Variants in IRX2 observed in about 807,000 individuals in gnomAD.
IRX2 encodes the protein iroquois-class homeodomain protein IRX-2.
In IRX2, 26 loss-of-function variants were observed where a neutral mutation model predicts 42.9. The observed-to-expected ratio is 0.61, with a 90% confidence interval of 0.44 to 0.84. The LOEUF is 0.84. Ranked by LOEUF, IRX2 falls within the 40% of genes least tolerant of loss-of-function variation. The pLI is 0.00. For synonymous variants in IRX2, 424 were observed against 353.9 expected (o/e 1.20, Z -2.22); for missense variants, 782 against 713.9 (o/e 1.10, Z -1.09).
rs574306827 is a variant in IRX2, at chr5:2,747,123, G to A, written c.*441C>T. On this transcript the variant is annotated 3_prime_UTR_variant, in exon 4 of 4. Transcript: ENST00000302057. Reference sequence around the variant, plus strand: ...GTTTTGGTAGCCCAAGCTCATCAAAGCATGTGTCTATTATGTGTCTAGCAT... The same window carrying A: ...GTTTTGGTAGCCCAAGCTCATCAAAACATGTGTCTATTATGTGTCTAGCAT... The A allele has an allele frequency of 4.6e-5, 7 of 152,232 alleles. No individual in the cohort carries two copies. The South Asian group carries it at 1.0e-3, about 23-fold the overall frequency. 9.4% of individuals were successfully genotyped at this position (152,232 alleles called of 1,614,324 possible).
In IRX2 at chr5:2,751,311, C is replaced by T; in HGVS notation, c.103G>A (p.Glu35Lys). Residue 35 changes from glutamate to lysine, a missense_variant, in exon 1 of 4, where the codon GAG becomes AAG. Physicochemically the swap from Glu to Lys is moderately conservative, Grantham distance 56. This residue lies in a region of IRX2 where 256 missense variants were observed against 250.0 expected (regional missense o/e 1.02). Transcript: ENST00000302057. The surrounding 1 kb of genome is among the most constrained non-coding windows in gnomAD (Gnocchi z 4.0). ...GAGCCCGACGCCGAGCGCGCCAGCT[C>T]CTCGCTGCGCGGAGCCGCCAAAGCC... is the stretch of plus-strand genomic sequence containing the variant. ...ASALAAPRSE[E>K]LARSASGSAF... 7.0e-7 allele frequency: 1 copy of T among 1,437,074 alleles called. No individual in the cohort carries two copies. Among genetic ancestry groups the T allele is most frequent in the Non-Finnish European group, 9.1e-7 (1 of 1,095,596 alleles). The allele number at this position is 1,437,074 out of a possible 1,614,324, so 89.0% of individuals were successfully genotyped here.
the IRX2 span, among the ~76,000 whole-genome samples, chr5:2,735,914 C>T: frequency 6.6e-6 from 1 of 152,054 alleles, no homozygotes; most frequent in Non-Finnish European, 1.5e-5. Context: ...TGTGCTGCAC[C>T]GAGGTTAAAA....
the IRX2 span, among the ~76,000 whole-genome samples, chr5:2,737,488 C>T: frequency 7.9e-5 from 12 of 152,190 alleles, no homozygotes; most frequent in Non-Finnish European, 1.2e-4. Context: ...ACGTGGGGCC[C>T]GGTGGCACAT....
At chr5:2,739,679 C>T in the IRX2 span, among the ~76,000 whole-genome samples, 1 of 152,204 alleles carries the variant, frequency 6.6e-6, no homozygotes, top group Non-Finnish European at 1.5e-5. Context: ...CGGGCGCTTT[C>T]GGTTTCCCGG....
downstream of IRX2, among the ~76,000 whole-genome samples, chr5:2,744,621 G>A (rs1026891731): frequency 6.6e-6 from 1 of 152,138 alleles, no homozygotes; most frequent in African/African-American, 2.4e-5. Flanking sequence ...TTTGTTTCCA[G>A]ATACACTGCC....
rs937495446 is a variant in IRX2 at position 2,749,933 on chromosome 5, G to A, written c.250-146C>T. On this transcript the variant is annotated intron_variant, in intron 1 of 3. Coordinates refer to ENST00000302057, the MANE Select transcript of IRX2 (RefSeq NM_033267.5). ...TGCGCTTCCCGCCGCAAAAGAGCAG[G>A]AAAAACGCAGTGTGATTCGGGACCA... 3.8e-6 allele frequency: 3 copies of A among 791,680 alleles called. No individual in the cohort carries two copies. The Admixed American group carries it at 8.8e-5, about 23-fold the overall frequency. The allele number at this position is 791,680 out of a possible 1,614,324, so 49.0% of individuals were successfully genotyped here.
the IRX2 span, chr5:2,737,169 G>A: frequency 3.9e-5 from 6 of 152,354 alleles, no homozygotes; most frequent in East Asian, 1.9e-4. Context: ...GTTCATTCAC[G>A]AGAGGCCTCA....
rs774128844 is a variant in IRX2 at position 2,749,007 on chromosome 5, G to A, written c.701C>T (p.Ala234Val). The A allele has an allele frequency of 1.3e-6, 2 of 1,597,332 alleles. No homozygotes were observed. The highest frequency in any genetic ancestry group is 1.7e-5 in the Admixed American group (1 of 59,950). The change falls in exon 3 of 4, where the codon GCC (alanine) becomes GTC (valine). Residue 234 changes from alanine (A) to valine (V), a missense_variant. This residue lies in a region of IRX2 where 520 missense variants were observed against 437.8 expected (regional missense o/e 1.19). Transcript: ENST00000302057. The stretch of plus-strand genomic sequence containing the variant: ...CGGAAGCTTCTCCCCGTCCGACTCG[G>A]CCGAGCACGAGTGATCCGTGAGCGA... ...VDSLTDHSCS[A>V]ESDGEKLPCR...
downstream of IRX2, among the ~76,000 whole-genome samples, chr5:2,745,386 A>C (rs777557463): frequency 6.6e-6 from 1 of 152,080 alleles, no homozygotes; most frequent in African/African-American, 2.4e-5. Flanking sequence ...CTCTGAAATT[A>C]TATTATATGG....
the IRX2 span, chr5:2,736,782 T>C: frequency 6.6e-6 from 1 of 152,248 alleles, no homozygotes; most frequent in Admixed American, 6.5e-5. Flanking sequence ...CCCCTCAGAA[T>C]AGAATGCCAG....
chr5:2,749,428 A>G lies in IRX2; in HGVS notation c.609T>C (p.Ser203=). The G allele has an allele frequency of 1.9e-6, 3 of 1,611,532 alleles. No homozygotes were observed. The highest frequency in any genetic ancestry group is 2.5e-6 in the Non-Finnish European group (3 of 1,179,396). Reference sequence around the variant, plus strand: ...CCGTGCCCTCCTGCGCCTTGTCGGGACTCTCGTCCTTGCTTCTGGTAGCGT... The same window carrying G: ...CCGTGCCCTCCTGCGCCTTGTCGGGGCTCTCGTCCTTGCTTCTGGTAGCGT... ...EGDATRSKDE[S]PDKAQEGTET... The change falls in exon 2 of 4, where the codon AGT becomes AGC. Residue 203 remains serine, a synonymous_variant. Coordinates refer to ENST00000302057, the MANE Select transcript of IRX2 (RefSeq NM_033267.5).
rs986136145 is a variant in IRX2, at chr5:2,751,295, G to A, written c.119C>T (p.Ala40Val). 7.7e-6 allele frequency: 11 copies of A among 1,432,998 alleles called. No homozygotes were observed. The African/African-American group carries it at 1.0e-4, about 14-fold the overall frequency. The allele number at this position is 1,432,998 out of a possible 1,614,324, so 88.8% of individuals were successfully genotyped here. A position where few individuals can be genotyped will look rare whatever the true frequency, so the allele number is the denominator to read the frequency against. Residue 40 changes from alanine to valine, a missense_variant, in exon 1 of 4, where the codon GCG becomes GTG. Physicochemically the swap from Ala to Val is moderately conservative, Grantham distance 64 (BLOSUM62 0). Coordinates refer to ENST00000302057, the MANE Select transcript of IRX2 (RefSeq NM_033267.5). The surrounding 1 kb of genome is among the most constrained non-coding windows in gnomAD (Gnocchi z 4.0). ...GTAGGGGCTGAACGCCGAGCCCGAC[G>A]CCGAGCGCGCCAGCTCCTCGCTGCG... ...APRSEELARS[A>V]SGSAFSPYPG...
chr5:2,748,325 G>C lies in IRX2; in HGVS notation c.1363+20C>G, dbSNP rs112775132. ...GGCTCTCCCTCCCCTCCCGGGCGCC[G>C]CCGGCCGCGGGCCGCCTACCTTTCT... On this transcript the variant is annotated intron_variant, in intron 3 of 3. Transcript: ENST00000302057. 0.12 allele frequency: 166,709 copies of C among 1,381,296 alleles called. 10,480 individuals carry two copies. The highest frequency in any genetic ancestry group is 0.18 in the African/African-American group (11,725 of 65,266). The allele number at this position is 1,381,296 out of a possible 1,614,324, so 85.6% of individuals were successfully genotyped here.
chr5:2,735,926 GA>G, the IRX2 span, among the ~76,000 whole-genome samples: 1 of 152,156 alleles, frequency 6.6e-6, no homozygotes, highest in Non-Finnish European at 1.5e-5. Flanking sequence ...AGGTTAAAAT[GA>G]AGTAGAAATT....
At position 2,748,685 on chromosome 5, in the gene IRX2, C is replaced by T. The variant is rs1737787646; in HGVS notation, c.1023G>A (p.Lys341=). ...CGCAGCCCGGGCCCAGGCTCGGCTG[C>T]TTGAGGTCCGACGTGGCGATCTCGG... ...SLAEIATSDL[K]QPSLGPGCGP... The change falls in exon 3 of 4, where the codon AAG becomes AAA. Residue 341 remains lysine, a synonymous_variant. Coordinates refer to ENST00000302057, the MANE Select transcript of IRX2 (RefSeq NM_033267.5). 1.4e-6 allele frequency: 2 copies of T among 1,396,998 alleles called. No individual in the cohort carries two copies. Among genetic ancestry groups the T allele is most frequent in the Non-Finnish European group, 1.9e-6 (2 of 1,076,132 alleles). 86.5% of individuals were successfully genotyped at this position (1,396,998 alleles called of 1,614,324 possible).
In IRX2 at chr5:2,751,483, G is replaced by A; in HGVS notation, c.-70C>T. On this transcript the variant is annotated 5_prime_UTR_variant, in exon 1 of 4. Coordinates refer to ENST00000302057, the MANE Select transcript of IRX2 (RefSeq NM_033267.5). This position sits in a 1 kb window ranked among gnomAD's most constrained non-coding sequence, Gnocchi z 4.0. ...AGGGCGCGCGGCGCCCTCCATCCAC[G>A]CCCGGCCGGGGCGCGGCGCGGCGGC... 8 of 978,942 alleles carry A rather than the reference G, an allele frequency of 8.2e-6. No homozygotes were observed. Among genetic ancestry groups the A allele is most frequent in the African/African-American group, 1.8e-5 (1 of 56,224 alleles). 60.6% of individuals were successfully genotyped at this position (978,942 alleles called of 1,614,324 possible). A position where few individuals can be genotyped will look rare whatever the true frequency, so the allele number is the denominator to read the frequency against.
rs1352397026 is a variant in IRX2 at position 2,748,841 on chromosome 5, G to A, written c.867C>T (p.Thr289=). ...PPKPVTSSPL[T]GLEAPLLSPP... is the part of the protein sequence containing the mutation. ...GGCTCAGCAGCGGCGCCTCCAAGCC[G>A]GTAAGCGGCGACGAGGTCACGGGCT... The change falls in exon 3 of 4, where the codon ACC becomes ACT. Residue 289 remains threonine, a synonymous_variant. Coordinates refer to ENST00000302057, the MANE Select transcript of IRX2 (RefSeq NM_033267.5). 3.2e-6 allele frequency: 5 copies of A among 1,571,280 alleles called. No individual in the cohort carries two copies. The highest frequency in any genetic ancestry group is 1.1e-5 in the South Asian group (1 of 87,400).
chr5:2,739,542 G>C, the IRX2 span, among the ~76,000 whole-genome samples: 2 of 152,238 alleles, frequency 1.3e-5, no homozygotes, highest in Non-Finnish European at 2.9e-5. Flanking sequence ...AGAGACCGGG[G>C]GGACCGGGGA....
At position 2,748,901 on chromosome 5, in the gene IRX2, G is replaced by A. The variant is rs754937716; in HGVS notation, c.807C>T (p.Asp269=). 6.3e-7 allele frequency: 1 copy of A among 1,595,262 alleles called. No individual in the cohort carries two copies. The highest frequency in any genetic ancestry group is 8.5e-7 in the Non-Finnish European group (1 of 1,178,848). ...CCAGGCCCCGCTCGCCCTCCTCGTC[G>A]TCGTCCTCGTCGTCCTCCAGGTCGT... ...KYDDLEDDED[D]DEEGERGLAP... is the part of the protein sequence containing the mutation. Residue 269 remains aspartate (D), a synonymous_variant, in exon 3 of 4, where the codon GAC becomes GAT. Coordinates refer to ENST00000302057, the MANE Select transcript of IRX2 (RefSeq NM_033267.5).
Sources: allele counts gnomAD v4.1 joint callset (sites outside exome capture counted in the v4.1 genomes callset), GRCh38; gene constraint gnomAD v4.1.1; regional missense constraint gnomAD v4.1.1; non-coding constraint Gnocchi (gnomAD v3.1); transcripts MANE v1.5; gene names NCBI Gene and HGNC (gene_info 2026-07-23, HGNC 2026-07-21).